PCDHGA2: variants seen among roughly 807,000 people sequenced by gnomAD.
The protein encoded by PCDHGA2 is protocadherin gamma subfamily A, 2, also known as protocadherin gamma-A2.
A neutral mutation model predicts 59.2 loss-of-function variants in PCDHGA2; 40 were observed. That is an observed-to-expected ratio of 0.68 (90% confidence interval 0.52 to 0.88). PCDHGA2 has a LOEUF of 0.88. PCDHGA2 is among the 40% of genes least tolerant of loss of function. The probability of loss-of-function intolerance (pLI) is 0.00; values close to 1 mark genes in which losing one functional copy is unlikely to be tolerated. For missense variants in PCDHGA2, 1,226 were observed against 1,204.0 expected (o/e 1.02, Z -0.27); for synonymous variants, 560 against 526.0 (o/e 1.06, Z -0.89).
chr5:141,388,056 G>A lies in PCDHGA2; in HGVS notation c.2424+46661G>A, dbSNP rs1192724751. 2.2e-6 allele frequency: 3 copies of A among 1,386,286 alleles called. No individual in the cohort carries two copies. In the Admixed American group the frequency reaches 6.2e-5, roughly 29 times the overall value. 85.9% of individuals were successfully genotyped at this position (1,386,286 alleles called of 1,614,324 possible). A position where few individuals can be genotyped will look rare whatever the true frequency, so the allele number is the denominator to read the frequency against. On this transcript the variant is annotated intron_variant, in intron 1 of 3. Coordinates refer to ENST00000394576, the MANE Select transcript of PCDHGA2 (RefSeq NM_018915.4). ...CCTCGCCACGGACCTGGGGTTCAGC[G>A]TCCAGGAGTTACCGACTCGAAAACT...
rs758172004 is a variant in PCDHGA2, at chr5:141,477,909, C to T, written c.2425-16898C>T. On this transcript the variant is annotated intron_variant, in intron 1 of 3. Transcript: ENST00000394576. This position sits in a 1 kb window ranked among gnomAD's most constrained non-coding sequence, Gnocchi z 4.9. ...GTGTCACGGGTGGTAGGCTGGGACGCGGATGCAGGGCACAATGCCTGGCTC... is the reference window on the plus strand; with the variant it reads ...GTGTCACGGGTGGTAGGCTGGGACGTGGATGCAGGGCACAATGCCTGGCTC... 2 of 1,614,166 alleles carry T rather than the reference C, an allele frequency of 1.2e-6. No individual in the cohort carries two copies. Among genetic ancestry groups the T allele is most frequent in the Admixed American group, 1.7e-5 (1 of 60,016 alleles).
intron 1 of PCDHGA2, chr5:141,366,029 C>T (rs766110369): frequency 4.3e-6 from 7 of 1,614,260 alleles, no homozygotes; most frequent in Non-Finnish European, 5.9e-6. Context: ...GTACCCCGCC[C>T]TCCCCACAGA....
At chr5:141,392,852 G>A in intron 1 of PCDHGA2, 3 of 1,611,984 alleles carry the variant, frequency 1.9e-6, no homozygotes, top group Non-Finnish European at 2.5e-6. Context: ...GCGGCGAGCT[G>A]ATCCTGCTGT....
chr5:141,421,297 C>T (rs143092131), intron 1 of PCDHGA2: 106 of 1,613,512 alleles, frequency 6.6e-5, no homozygotes, highest in Non-Finnish European at 8.5e-5. Flanking sequence ...CCTGGGGACG[C>T]TGCGGGGGTT....
At chr5:141,344,483 C>A (rs1757425274) in intron 1 of PCDHGA2, 1 of 1,613,722 alleles carries the variant, frequency 6.2e-7, no homozygotes, top group Non-Finnish European at 8.5e-7. Flanking sequence ...TTCCTGGAAC[C>A]CGATTTCCAA....
At chr5:141,478,117 C>T (rs1419172538) in intron 1 of PCDHGA2, 2 of 1,614,058 alleles carry the variant, frequency 1.2e-6, no homozygotes, top group East Asian at 4.5e-5. Flanking sequence ...TGTCAGTAAC[C>T]GAGGACTCTC....
chr5:141,365,707 C>T, intron 1 of PCDHGA2: 1 of 1,613,728 alleles, frequency 6.2e-7, no homozygotes, highest in Non-Finnish European at 8.5e-7. Flanking sequence ...CCTACTCCAC[C>T]TCTGTCACAG....
intron 1 of PCDHGA2, among the ~76,000 whole-genome samples, chr5:141,380,691 G>C (rs1198645485): frequency 6.6e-6 from 1 of 152,212 alleles, no homozygotes; most frequent in Non-Finnish European, 1.5e-5. Flanking sequence ...TTTGTGTTCG[G>C]AGTAGTCTAT....
chr5:141,410,318 G>C, intron 1 of PCDHGA2: 6 of 1,613,982 alleles, frequency 3.7e-6, no homozygotes, highest in Non-Finnish European at 5.1e-6. Context: ...CTTCCTCCTC[G>C]CCGTGATTCT....
At chr5:141,494,064 G>T (rs1233070772) in intron 1 of PCDHGA2, among the ~76,000 whole-genome samples, 2 of 152,160 alleles carry the variant, frequency 1.3e-5, no homozygotes, top group South Asian at 2.1e-4. Flanking sequence ...TGTGGGAGCT[G>T]GATCCCTCCC....
At position 141,403,413 on chromosome 5, in the gene PCDHGA2, T is replaced by G. The variant is rs1467852757; in HGVS notation, c.2424+62018T>G. The G allele has an allele frequency of 1.2e-6, 2 of 1,613,928 alleles. No individual in the cohort carries two copies. Among genetic ancestry groups the G allele is most frequent in the African/African-American group, 2.7e-5 (2 of 74,948 alleles). ...GCGGTTCCTGGAGCACGTTATCCACTTCCAGAAGCTATTGATCCGGATGTT... is the reference window on the plus strand; with the variant it reads ...GCGGTTCCTGGAGCACGTTATCCACGTCCAGAAGCTATTGATCCGGATGTT... On this transcript the variant is annotated intron_variant, in intron 1 of 3. Transcript: ENST00000394576.
At chr5:141,475,583 G>A (rs1181419200) in intron 1 of PCDHGA2, among the ~76,000 whole-genome samples, 1 of 152,198 alleles carries the variant, frequency 6.6e-6, no homozygotes, top group Non-Finnish European at 1.5e-5. Context: ...CAGATTTGTT[G>A]GTGTTTTTCC....
At chr5:141,393,848 A>T (rs1368797606) in intron 1 of PCDHGA2, 6 of 1,614,008 alleles carry the variant, frequency 3.7e-6, no homozygotes, top group Non-Finnish European at 5.1e-6. Flanking sequence ...ACAATAGACC[A>T]GAAGTGATCA....
chr5:141,510,833 C>T (rs2099882936), intron 3 of PCDHGA2, 114 bp from the exon 4 acceptor site: 46 of 1,577,678 alleles, frequency 2.9e-5, no homozygotes, highest in South Asian at 2.5e-4. Context: ...CAGTGCTCAG[C>T]GTGGTCAAGG....
chr5:141,426,394 A>G (rs1353766048), intron 1 of PCDHGA2: 1 of 258,122 alleles, frequency 3.9e-6, no homozygotes, highest in African/African-American at 2.2e-5. Flanking sequence ...CCGCTACTCT[A>G]TTCCAGAAGA....
At position 141,431,245 on chromosome 5, in the gene PCDHGA2, C is replaced by A. The variant is rs761126985; in HGVS notation, c.2425-63562C>A. The A allele has an allele frequency of 5.0e-6, 8 of 1,614,016 alleles. No individual in the cohort carries two copies. In the Admixed American group the frequency reaches 1.2e-4, roughly 24 times the overall value. On this transcript the variant is annotated intron_variant, in intron 1 of 3. Coordinates refer to ENST00000394576, the MANE Select transcript of PCDHGA2 (RefSeq NM_018915.4). This position sits in a 1 kb window ranked among gnomAD's most constrained non-coding sequence, Gnocchi z 4.8. ...TACCCCACGCCTGGGATCCGGATAT[C>A]GGGAAGAACTCTCTGCAGAGCTACG... is the stretch of plus-strand genomic sequence containing the variant.
At chr5:141,382,121 C>T (rs1437558526) in intron 1 of PCDHGA2, among the ~76,000 whole-genome samples, 1 of 152,068 alleles carries the variant, frequency 6.6e-6, no homozygotes, top group African/African-American at 2.4e-5. Flanking sequence ...AGCAACAGCA[C>T]CTGGCCCCCC....
chr5:141,366,422 G>A (rs1334545413), intron 1 of PCDHGA2: 6 of 1,614,152 alleles, frequency 3.7e-6, no homozygotes, highest in South Asian at 1.1e-5. Context: ...GGTGGCAGTG[G>A]CTGCAGTCTC....
chr5:141,343,543 A>C (rs1245784122), intron 1 of PCDHGA2, among the ~76,000 whole-genome samples: 1 of 152,214 alleles, frequency 6.6e-6, no homozygotes, highest in Non-Finnish European at 1.5e-5. Flanking sequence ...TGTTTCTTAA[A>C]CTGAACAATT....
Sources: gnomAD v4.1 joint callset for allele counts (sites outside exome capture counted in the v4.1 genomes callset) on GRCh38, gnomAD v4.1.1 for gene constraint, Gnocchi (gnomAD v3.1) non-coding constraint, MANE v1.5 for transcripts, NCBI Gene and HGNC (gene_info 2026-07-23, HGNC 2026-07-21) for gene names.